Variants in BLK observed in about 807,000 individuals in gnomAD.
BLK encodes BLK proto-oncogene, Src family tyrosine kinase, also known as tyrosine-protein kinase Blk.
A neutral mutation model predicts 61.8 loss-of-function variants in BLK; 64 were observed. That is an observed-to-expected ratio of 1.03 (90% CI 0.85 to 1.27). BLK has a LOEUF of 1.27. BLK is among the 50% of genes most tolerant of loss of function. The pLI is 0.00. For missense variants in BLK, 853 were observed against 660.5 expected, an observed-to-expected ratio of 1.29 and a Z score of -3.19; for synonymous variants, 351 against 272.0, an observed-to-expected ratio of 1.29 and a Z score of -2.86.
At chr8:11,498,238 GAA>G (rs1344138141) in intron 1 of BLK, among the ~76,000 whole-genome samples, 1 of 152,198 alleles carries the variant, frequency 6.6e-6, no homozygotes, top group East Asian at 1.9e-4. Flanking sequence ...TCAAGTGCAG[GAA>G]AAGTTTGTGT....
At chr8:11,560,022 T>A in intron 10 of BLK, 2 of 358,898 alleles carry the variant, frequency 5.6e-6, no homozygotes, top group Non-Finnish European at 1.1e-5. Flanking sequence ...TACTGTTAGA[T>A]GCTGCCCAGA....
intron 1 of BLK, among the ~76,000 whole-genome samples, chr8:11,507,437 G>A (rs1454249452): frequency 3.3e-5 from 5 of 152,222 alleles, no homozygotes; most frequent in Admixed American, 6.5e-5. Context: ...TGGCCCTCAA[G>A]AAAGGCAGGG....
chr8:11,545,710 TG>T (rs1397308943), intron 2 of BLK: 1 of 367,574 alleles, frequency 2.7e-6, no homozygotes, highest in Non-Finnish European at 5.1e-6. Flanking sequence ...TATTTTTTCT[TG>T]TCAACAAATA....
chr8:11,543,150 C>T, intron 1 of BLK, 74 bp from the exon 2 acceptor site: 1 of 1,608,382 alleles, frequency 6.2e-7, no homozygotes, highest in East Asian at 2.2e-5. Flanking sequence ...CGGAAGGGGC[C>T]AGGGATCCCC....
At chr8:11,518,528 C>A (rs971038933) in intron 1 of BLK, among the ~76,000 whole-genome samples, 1 of 152,000 alleles carries the variant, frequency 6.6e-6, no homozygotes, top group African/African-American at 2.4e-5. Flanking sequence ...GGCATCTCAG[C>A]ATTTCCATCC....
intron 8 of BLK, chr8:11,556,384 C>A: frequency 4.1e-6 from 2 of 486,728 alleles, no homozygotes; most frequent in Non-Finnish European, 7.5e-6. Context: ...ACACAGGTTC[C>A]GTGCAGGACA....
chr8:11,558,655 G>A (rs1283146391), intron 10 of BLK: 2 of 456,204 alleles, frequency 4.4e-6, no homozygotes, highest in South Asian at 1.5e-5. Flanking sequence ...ACGTTCACAT[G>A]CAGAACTTTC....
chr8:11,510,185 G>T (rs1420938883), intron 1 of BLK, among the ~76,000 whole-genome samples: 1 of 152,228 alleles, frequency 6.6e-6, no homozygotes. Flanking sequence ...GAATTACGAT[G>T]ATATGGGGAG....
intron 1 of BLK, among the ~76,000 whole-genome samples, chr8:11,541,465 T>C (rs1585384318): frequency 6.6e-6 from 1 of 151,790 alleles, no homozygotes; most frequent in African/African-American, 2.4e-5. Context: ...TAAAATTCAG[T>C]AGCCAGCCGC....
intron 1 of BLK, among the ~76,000 whole-genome samples, chr8:11,517,618 GGT>G (rs1399905579): frequency 6.6e-6 from 1 of 152,246 alleles, no homozygotes; most frequent in African/African-American, 2.4e-5. Context: ...GCTTTTCTCA[GGT>G]GTGTGGGAGG....
chr8:11,559,928 C>T, intron 10 of BLK: 1 of 440,050 alleles, frequency 2.3e-6, no homozygotes. Context: ...GCAGCTTCTT[C>T]TTGAAAGCAG....
intron 1 of BLK, among the ~76,000 whole-genome samples, chr8:11,514,459 C>T (rs1324514876): frequency 1.3e-5 from 2 of 152,224 alleles, no homozygotes; most frequent in African/African-American, 4.8e-5. Flanking sequence ...GCAGGCCATC[C>T]CAGGTCTCAG....
At chr8:11,559,120 C>A in intron 10 of BLK, 3 of 398,448 alleles carry the variant, frequency 7.5e-6, no homozygotes, top group Non-Finnish European at 1.0e-5. Context: ...CACTACACCC[C>A]CTTGGGAAAT....
intron 3 of BLK, among the ~76,000 whole-genome samples, chr8:11,547,318 G>A (rs540931304): frequency 1.3e-5 from 2 of 152,372 alleles, no homozygotes; most frequent in South Asian, 2.1e-4. Flanking sequence ...CTCAGTGACA[G>A]AGCGGAGCCA....
intron 1 of BLK, among the ~76,000 whole-genome samples, chr8:11,532,851 T>C (rs539039963): frequency 1.3e-5 from 2 of 152,316 alleles, no homozygotes; most frequent in South Asian, 4.1e-4. Context: ...CTTTAGAGAG[T>C]GTCACACTTG....
At position 11,533,590 on chromosome 8, in the gene BLK, GAGGAGGAGGAGGAGA is replaced by G. The variant is rs1347342734; in HGVS notation, c.-1-9622_-1-9608del. On this transcript the variant is annotated intron_variant, in intron 1 of 12. Transcript: ENST00000259089. ...GTTTCTTCCCTGTCTGCCGGAGGAGGAGGAGGAGGAGGAGAAGGAGGAGGAGAGGAGTAGGAGGAG... is the reference window on the plus strand; with the variant it reads ...GTTTCTTCCCTGTCTGCCGGAGGAGGAGGAGGAGGAGAGGAGTAGGAGGAG... 1.3e-3 allele frequency among the ~76,000 whole-genome samples: 173 copies of G among 138,072 alleles called. 4 individuals are homozygous for G. The East Asian group carries it at 0.03, about 24-fold the overall frequency. 90.6% of individuals were successfully genotyped at this position (138,072 alleles called of 152,430 possible). A position where few individuals can be genotyped will look rare whatever the true frequency, so the allele number is the denominator to read the frequency against.
intron 1 of BLK, among the ~76,000 whole-genome samples, chr8:11,516,451 C>G (rs899850050): frequency 6.6e-6 from 1 of 152,202 alleles, no homozygotes; most frequent in Admixed American, 6.5e-5. Context: ...CCCAGAGGAT[C>G]TTTCTGACCT....
In BLK at chr8:11,550,189, G is replaced by A. The variant is rs956730553; in HGVS notation, c.399G>A (p.Glu133=). The A allele has an allele frequency of 4.3e-6, 7 of 1,614,068 alleles. No individual in the cohort carries two copies. The African/African-American group carries it at 9.3e-5, about 22-fold the overall frequency. ...TCTTTAGATCACAGGGTCGGAAGGA[G>A]GCTGAGAGGCAGCTTCTTGCTCCAA... ...RWFFRSQGRK[E]AERQLLAPIN... is the part of the protein sequence containing the mutation. Residue 133 remains glutamate, a synonymous_variant, in exon 6 of 13, where the codon GAG becomes GAA. Transcript: ENST00000259089.
chr8:11,555,472 G>A lies in BLK; in HGVS notation c.760G>A (p.Glu254Lys), dbSNP rs200515443. 25 of 1,614,136 alleles carry A rather than the reference G, an allele frequency of 1.5e-5. 1 individual carries two copies. Among genetic ancestry groups the A allele is most frequent in the East Asian group, 1.3e-4 (6 of 44,872 alleles). ...GAAACTCGGGTCTGGACAATTCGGC[G>A]AAGTCTGGATGGGTGAGTGTGTGCA... Reference protein sequence around the residue: ...VRKLGSGQFGEVWMGYYKNNM... With the variant: ...VRKLGSGQFGKVWMGYYKNNM... Residue 254 changes from glutamate (E) to lysine (K), a missense_variant, in exon 8 of 13, where the codon GAA becomes AAA. By Grantham distance (56) the Glu-to-Lys change is moderately conservative. Transcript: ENST00000259089.
Sources: allele counts gnomAD v4.1 joint callset (sites outside exome capture counted in the v4.1 genomes callset), GRCh38; gene constraint gnomAD v4.1.1; transcripts MANE v1.5; gene names NCBI Gene and HGNC (gene_info 2026-07-23, HGNC 2026-07-21).